The following NEDD4L variants were observed in gnomAD, a reference collection of about 807,000 sequenced individuals.
The protein encoded by NEDD4L is NEDD4 like E3 ubiquitin protein ligase.
A neutral mutation model predicts 148.9 loss-of-function variants in NEDD4L; 54 were observed. The ratio of observed to expected loss-of-function variants is 0.36; its 90% confidence interval spans 0.29 to 0.45. The LOEUF (loss-of-function observed/expected upper bound fraction) is 0.45. Ranked by LOEUF, NEDD4L falls within the 20% of genes least tolerant of loss-of-function variation. The probability of loss-of-function intolerance (pLI) is 1.00; values close to 1 mark genes in which losing one functional copy is unlikely to be tolerated. For synonymous variants in NEDD4L, 433 were observed against 440.7 expected, an observed-to-expected ratio of 0.98 and a Z score of 0.22; for missense variants, 856 against 1,233.8, an observed-to-expected ratio of 0.69 and a Z score of 4.59.
In NEDD4L at chr18:58,186,090, A is replaced by T. The variant is rs1312518355; in HGVS notation, c.122+20229A>T. ...ATACATATGCACACGCACACAGAGA[A>T]GGATACGTATGCACACGGGAACAGA... On this transcript the variant is annotated intron_variant, in intron 2 of 30. Transcript: ENST00000400345. 4.3e-5 allele frequency among the ~76,000 whole-genome samples: 6 copies of T among 140,688 alleles called. No homozygotes were observed. In the East Asian group the frequency reaches 1.2e-3, roughly 27 times the overall value. The allele number at this position is 140,688 out of a possible 152,430, so 92.3% of individuals were successfully genotyped here.
At chr18:58,303,052 A>T (rs949165556) in intron 5 of NEDD4L, among the ~76,000 whole-genome samples, 3 of 152,252 alleles carry the variant, frequency 2.0e-5, no homozygotes, top group African/African-American at 7.2e-5. Flanking sequence ...TGCCGTCAGC[A>T]CTGGGCAGCC....
At chr18:58,245,900 G>A (rs2047211696) in intron 3 of NEDD4L, among the ~76,000 whole-genome samples, 1 of 121,218 alleles carries the variant, frequency 8.2e-6, no homozygotes, top group South Asian at 2.5e-4. Flanking sequence ...GTTTCACCAT[G>A]TTGGCCAGAC....
Position 58,342,971 on chromosome 18 carries a change from G to A in NEDD4L, c.1443G>A (p.Gln481=). The change falls in exon 16 of 31, where the codon CAG becomes CAA. Residue 481 remains glutamine (Q), a synonymous_variant. Coordinates refer to ENST00000400345, the MANE Select transcript of NEDD4L (RefSeq NM_001144967.3). ...CCCTTTCCAACCCACAGTCCCCACA[G>A]CCATCACCTTACAACTCCCCCAAAC... ...KDTLSNPQSP[Q]PSPYNSPKPQ... is the part of the protein sequence containing the mutation. The A allele has an allele frequency of 1.9e-6, 3 of 1,613,812 alleles. No individual in the cohort carries two copies. The highest frequency in any genetic ancestry group is 1.3e-5 in the African/African-American group (1 of 75,026).
At chr18:58,252,086 C>T (rs377716235) in intron 5 of NEDD4L, 32 bp downstream of exon 5, 52 of 1,437,144 alleles carry the variant, frequency 3.6e-5, no homozygotes, top group Non-Finnish European at 4.7e-5. Flanking sequence ...AATTTTGCTT[C>T]ATTTTTTTAT....
chr18:58,131,420 C>T (rs1478984622), intron 1 of NEDD4L, among the ~76,000 whole-genome samples: 1 of 143,726 alleles, frequency 7.0e-6, no homozygotes, highest in Admixed American at 7.0e-5. Context: ...GTGTTGGGCT[C>T]TCTTGGGGTT....
intron 1 of NEDD4L, among the ~76,000 whole-genome samples, chr18:58,143,859 T>C (rs2033818961): frequency 6.6e-6 from 1 of 152,190 alleles, no homozygotes; most frequent in Non-Finnish European, 1.5e-5. Flanking sequence ...TTGTCTCACA[T>C]CTAGGAAAGA....
chr18:58,142,032 A>ATTTT (rs1568275559), intron 1 of NEDD4L, among the ~76,000 whole-genome samples: 2 of 95,370 alleles, frequency 2.1e-5, no homozygotes, highest in African/African-American at 3.9e-5. Flanking sequence ...GCCTTCCAAA[A>ATTTT]TTTCTTTCTT....
chr18:58,273,491 A>T (rs1411660461), intron 5 of NEDD4L, among the ~76,000 whole-genome samples: 1 of 152,212 alleles, frequency 6.6e-6, no homozygotes, highest in African/African-American at 2.4e-5. Context: ...TTCCTGAGAT[A>T]TAGACACGGT....
At chr18:58,158,319 C>T (rs2035762376) in intron 1 of NEDD4L, among the ~76,000 whole-genome samples, 1 of 152,208 alleles carries the variant, frequency 6.6e-6, no homozygotes, top group South Asian at 2.1e-4. Flanking sequence ...TCCAAAGTCA[C>T]ACACTGTCAC....
chr18:58,305,438 T>G (rs1356504738), intron 5 of NEDD4L, among the ~76,000 whole-genome samples: 2 of 152,336 alleles, frequency 1.3e-5, no homozygotes, highest in East Asian at 3.9e-4. Context: ...TTGAGAACTT[T>G]GCAGGGATTC....
intron 6 of NEDD4L, among the ~76,000 whole-genome samples, chr18:58,317,319 T>C (rs2058376233): frequency 6.6e-6 from 1 of 152,226 alleles, no homozygotes; most frequent in Non-Finnish European, 1.5e-5. Context: ...CTATTTCACC[T>C]TTTGTGAGCA....
intron 1 of NEDD4L, among the ~76,000 whole-genome samples, chr18:58,113,691 G>T (rs1026828098): frequency 6.6e-6 from 1 of 152,148 alleles, no homozygotes; most frequent in Non-Finnish European, 1.5e-5. Flanking sequence ...GATAATTTGG[G>T]CATTATTCAA....
intron 1 of NEDD4L, among the ~76,000 whole-genome samples, chr18:58,073,838 C>A (rs2083018528): frequency 6.6e-6 from 1 of 152,080 alleles, no homozygotes; most frequent in South Asian, 2.1e-4. Context: ...TTGAGAGGGG[C>A]AGACTTTATG....
intron 19 of NEDD4L, among the ~76,000 whole-genome samples, chr18:58,360,742 TTGTG>T (rs10665833): frequency 1.4e-3 from 201 of 146,020 alleles, no homozygotes; most frequent in South Asian, 8.2e-3. Context: ...AGTTTATAAT[TTGTG>T]TGTGTGTGTG....
At chr18:58,334,672 C>G (rs75989094) in intron 12 of NEDD4L, among the ~76,000 whole-genome samples, 1 of 152,090 alleles carries the variant, frequency 6.6e-6, no homozygotes, top group Non-Finnish European at 1.5e-5. Flanking sequence ...TAATGTATTA[C>G]GTATGAATTT....
intron 1 of NEDD4L, among the ~76,000 whole-genome samples, chr18:58,069,043 C>G (rs2082740948): frequency 7.2e-6 from 1 of 139,722 alleles, no homozygotes; most frequent in African/African-American, 2.7e-5. Flanking sequence ...AGCTGAGGCA[C>G]AAGAATCGCT....
rs889850549 is a variant in NEDD4L at position 58,256,401 on chromosome 18, C to T, written c.297+4347C>T. 23 of 1,232,214 alleles carry T rather than the reference C, an allele frequency of 1.9e-5. No individual in the cohort carries two copies. The East Asian group carries it at 4.7e-4, about 25-fold the overall frequency. 76.3% of individuals were successfully genotyped at this position (1,232,214 alleles called of 1,614,324 possible). A position where few individuals can be genotyped will look rare whatever the true frequency, so the allele number is the denominator to read the frequency against. On this transcript the variant is annotated intron_variant, in intron 5 of 30. Transcript: ENST00000400345. The surrounding 1 kb of genome is among the most constrained non-coding windows in gnomAD (Gnocchi z 5.2). ...TTGCAGCAGCCCCAACAAGGCGCTT[C>T]GGGGCCAGGCAGCGACCTCAACTTT...
At chr18:58,066,233 A>G (rs927643642) in intron 1 of NEDD4L, among the ~76,000 whole-genome samples, 3 of 152,088 alleles carry the variant, frequency 2.0e-5, no homozygotes, top group Non-Finnish European at 4.4e-5. Flanking sequence ...ATTTGTGTAG[A>G]AGTTAGGTGG....
At chr18:58,363,244 C>G (rs2145996539) in intron 19 of NEDD4L, among the ~76,000 whole-genome samples, 1 of 152,206 alleles carries the variant, frequency 6.6e-6, no homozygotes, top group South Asian at 2.1e-4. Context: ...TCTTCTGTTT[C>G]TGGTCAAGAT....
Sources: allele counts gnomAD v4.1 joint callset (sites outside exome capture counted in the v4.1 genomes callset), GRCh38; gene constraint gnomAD v4.1.1; non-coding constraint Gnocchi (gnomAD v3.1); transcripts MANE v1.5; gene names NCBI Gene and HGNC (gene_info 2026-07-23, HGNC 2026-07-21).